LRRC1: variants seen among roughly 807,000 people sequenced by gnomAD.
LRRC1 encodes the protein leucine rich repeat containing 1.
A neutral mutation model predicts 69.9 loss-of-function variants in LRRC1; 28 were observed. That is an observed-to-expected ratio of 0.40 (90% CI 0.30 to 0.55). The LOEUF is 0.55. LRRC1 is among the 20% of genes least tolerant of loss of function. LRRC1 has a pLI of 0.47. For missense variants in LRRC1, 498 were observed against 609.0 expected, an observed-to-expected ratio of 0.82 and a Z score of 1.92; for synonymous variants, 236 against 240.2, an observed-to-expected ratio of 0.98 and a Z score of 0.16.
At chr6:53,809,044 G>A (rs768454957) in intron 1 of LRRC1, among the ~76,000 whole-genome samples, 30 of 152,228 alleles carry the variant, frequency 2.0e-4, no homozygotes, top group Admixed American at 2.0e-4. Flanking sequence ...TAAAGTCAAA[G>A]CACATCCGTC....
In LRRC1 at chr6:53,912,317, A is replaced by G. The variant is rs9474682; in HGVS notation, c.991-1537A>G. 9.2e-3 allele frequency among the ~76,000 whole-genome samples: 1,395 copies of G among 152,348 alleles called. 31 individuals carry two copies. The highest frequency in any genetic ancestry group is 0.032 in the African/African-American group (1,321 of 41,582). ...GACCAAAGCGTTCTGTGAAGACTCA[A>G]TGGAGGAATAGACGATGTTTAGCTA... On this transcript the variant is annotated intron_variant, in intron 10 of 13. Coordinates refer to ENST00000370888, the MANE Select transcript of LRRC1 (RefSeq NM_018214.5).
intron 1 of LRRC1, among the ~76,000 whole-genome samples, chr6:53,822,973 C>G (rs1191588192): frequency 2.0e-5 from 3 of 152,194 alleles, no homozygotes; most frequent in Non-Finnish European, 4.4e-5. Flanking sequence ...CCTTGCAGCT[C>G]TTCCAGCTGA....
At chr6:53,857,870 G>A (rs1454262745) in intron 2 of LRRC1, among the ~76,000 whole-genome samples, 2 of 152,206 alleles carry the variant, frequency 1.3e-5, no homozygotes, top group Non-Finnish European at 2.9e-5. Flanking sequence ...GTTTCCTGCT[G>A]GATCTGCCAG....
In LRRC1 at chr6:53,851,292, A is replaced by G. The variant is rs543838099; in HGVS notation, c.277+9065A>G. Among the ~76,000 whole-genome samples the G allele has an allele frequency of 5.9e-5, 9 of 152,210 alleles. 1 individual carries two copies. The highest frequency in any genetic ancestry group is 2.1e-4 in the South Asian group (1 of 4,820). ...ACAGATTTATTAGGAATTAATTCATATATTTCTGGGGACTGAGAAATTCCA... is the reference window on the plus strand; with the variant it reads ...ACAGATTTATTAGGAATTAATTCATGTATTTCTGGGGACTGAGAAATTCCA... On this transcript the variant is annotated intron_variant, in intron 2 of 13. Transcript: ENST00000370888.
chr6:53,815,028 A>G (rs1581848600), intron 1 of LRRC1, among the ~76,000 whole-genome samples: 1 of 152,086 alleles, frequency 6.6e-6, no homozygotes, highest in Non-Finnish European at 1.5e-5. Flanking sequence ...CGGGGAGCAC[A>G]ACAGTCGTTT....
intron 1 of LRRC1, among the ~76,000 whole-genome samples, chr6:53,837,769 C>CA (rs1305221292): frequency 1.3e-5 from 2 of 151,718 alleles, no homozygotes; most frequent in Middle Eastern, 3.2e-3. Flanking sequence ...AACACTTTAC[C>CA]AAAAAAGAAG....
At chr6:53,900,794 G>A (rs995563784) in intron 8 of LRRC1, among the ~76,000 whole-genome samples, 4 of 152,158 alleles carry the variant, frequency 2.6e-5, no homozygotes, top group Non-Finnish European at 4.4e-5. Flanking sequence ...AAACAGATAC[G>A]GACTTGGGAG....
chr6:53,814,607 G>C (rs1469246711), intron 1 of LRRC1, among the ~76,000 whole-genome samples: 1 of 152,218 alleles, frequency 6.6e-6, no homozygotes, highest in African/African-American at 2.4e-5. Flanking sequence ...ACAGATGTTT[G>C]CATAGTGCAG....
At chr6:53,822,388 G>A (rs1195197120) in intron 1 of LRRC1, among the ~76,000 whole-genome samples, 1 of 152,220 alleles carries the variant, frequency 6.6e-6, no homozygotes, top group African/African-American at 2.4e-5. Flanking sequence ...TCAGAGAGAA[G>A]TAATATGAGT....
chr6:53,865,597 AT>A (rs1766676727), intron 2 of LRRC1, among the ~76,000 whole-genome samples: 1 of 151,974 alleles, frequency 6.6e-6, no homozygotes, highest in Non-Finnish European at 1.5e-5. Context: ...TTTGTCTCTG[AT>A]TTGTTTTAAC....
chr6:53,848,084 G>A (rs909330198), intron 2 of LRRC1, among the ~76,000 whole-genome samples: 36 of 152,274 alleles, frequency 2.4e-4, no homozygotes, highest in Admixed American at 2.2e-3. Flanking sequence ...ATTACAGTAG[G>A]AGAGTTTTGT....
chr6:53,886,146 C>T lies in LRRC1; in HGVS notation c.446+3170C>T, dbSNP rs898573029. Among the ~76,000 whole-genome samples, 6 of 152,262 alleles carry T rather than the reference C, an allele frequency of 3.9e-5. No individual in the cohort carries two copies. In the East Asian group the frequency reaches 9.6e-4, roughly 24 times the overall value. Reference sequence around the variant, plus strand: ...ATTCTTAAATATTCCCAATTATTTACAGTGAGTCCTCACATAACATCATCC... The same window carrying T: ...ATTCTTAAATATTCCCAATTATTTATAGTGAGTCCTCACATAACATCATCC... On this transcript the variant is annotated intron_variant, in intron 4 of 13. Coordinates refer to ENST00000370888, the MANE Select transcript of LRRC1 (RefSeq NM_018214.5).
chr6:53,920,158 T>C (rs2473599), intron 12 of LRRC1, among the ~76,000 whole-genome samples: 109,306 of 152,092 alleles, frequency 0.72, 40,445 homozygotes, highest in East Asian at 0.98. Flanking sequence ...AACCGGAGTG[T>C]CCTGGGGGAA....
chr6:53,912,123 T>C (rs1303759912), intron 10 of LRRC1, among the ~76,000 whole-genome samples: 2 of 152,212 alleles, frequency 1.3e-5, no homozygotes, highest in Admixed American at 6.5e-5. Flanking sequence ...GCAGAGAGGC[T>C]ATGCATGGTG....
chr6:53,800,840 A>AT (rs1396990111), intron 1 of LRRC1, among the ~76,000 whole-genome samples: 2 of 151,914 alleles, frequency 1.3e-5, no homozygotes, highest in African/African-American at 4.8e-5. Flanking sequence ...GGGTTTCACT[A>AT]TGTTGGCCAG....
chr6:53,905,100 G>A (rs59032807), intron 10 of LRRC1: 4,597 of 152,378 alleles, frequency 0.03, 247 homozygotes, highest in African/African-American at 0.1. Flanking sequence ...GGCAAGGGAG[G>A]TGGAAATGCT....
intron 1 of LRRC1, among the ~76,000 whole-genome samples, chr6:53,830,105 T>C (rs1440809982): frequency 6.6e-6 from 1 of 152,240 alleles, no homozygotes. Context: ...GGTAGTGAGA[T>C]GGCTCACTGG....
At chr6:53,806,988 A>G (rs1378077155) in intron 1 of LRRC1, among the ~76,000 whole-genome samples, 1 of 146,836 alleles carries the variant, frequency 6.8e-6, no homozygotes, top group African/African-American at 2.5e-5. Context: ...AATGAACTCA[A>G]GCAATTCAGA....
chr6:53,922,497 C>A, intron 13 of LRRC1, 138 bp from the exon 14 acceptor site: 1 of 713,700 alleles, frequency 1.4e-6, no homozygotes, highest in African/African-American at 1.8e-5. Flanking sequence ...CACATACATC[C>A]AAAGAAAGCT....
Sources: allele counts gnomAD v4.1 joint callset (sites outside exome capture counted in the v4.1 genomes callset), GRCh38; gene constraint gnomAD v4.1.1; transcripts MANE v1.5; gene names NCBI Gene and HGNC (gene_info 2026-07-23, HGNC 2026-07-21).